Variants in SNX9 observed in about 807,000 individuals in gnomAD.
SNX9 encodes the protein sorting nexin 9.
SNX9 carries 44 observed loss-of-function variants against 89.4 expected under a neutral mutation model. The ratio of observed to expected loss-of-function variants is 0.49; its 90% CI spans 0.39 to 0.63. The LOEUF (loss-of-function observed/expected upper bound fraction) is 0.63, where lower values mean the gene tolerates loss of function less well. Among genes scored for constraint, SNX9 ranks in the 30% least tolerant of loss-of-function variants. SNX9 has a pLI of 0.00. For missense variants in SNX9, 578 were observed against 736.1 expected (o/e 0.79, Z 2.49); for synonymous variants, 236 against 247.8 (o/e 0.95, Z 0.45).
chr6:157,859,422 C>G (rs1173555737), intron 1 of SNX9, among the ~76,000 whole-genome samples: 1 of 152,112 alleles, frequency 6.6e-6, no homozygotes, highest in Admixed American at 6.5e-5. Flanking sequence ...ATAGATTGTT[C>G]TCATTCTCTT....
At chr6:157,859,661 T>C (rs963288848) in intron 1 of SNX9, among the ~76,000 whole-genome samples, 2 of 152,178 alleles carry the variant, frequency 1.3e-5, no homozygotes, top group Non-Finnish European at 2.9e-5. Flanking sequence ...GATCTGGCAA[T>C]GTCTGCCAGA....
At chr6:157,941,598 T>C (rs1784037000) in intron 17 of SNX9, among the ~76,000 whole-genome samples, 1 of 152,226 alleles carries the variant, frequency 6.6e-6, no homozygotes, top group Non-Finnish European at 1.5e-5. Flanking sequence ...GTCTGTAATG[T>C]AGAATCCAGC....
chr6:157,832,428 G>C (rs1478389060), intron 1 of SNX9, among the ~76,000 whole-genome samples: 1 of 152,184 alleles, frequency 6.6e-6, no homozygotes, highest in South Asian at 2.1e-4. Flanking sequence ...CTGTCTGCAG[G>C]GGCACAGTGC....
intron 1 of SNX9, among the ~76,000 whole-genome samples, chr6:157,825,606 C>T (rs917909208): frequency 5.3e-5 from 8 of 152,200 alleles, no homozygotes; most frequent in African/African-American, 9.7e-5. Flanking sequence ...TAGTTTCTTT[C>T]GGCTGCCTAA....
At chr6:157,867,059 C>G (rs1782278603) in intron 1 of SNX9, among the ~76,000 whole-genome samples, 1 of 152,062 alleles carries the variant, frequency 6.6e-6, no homozygotes. Flanking sequence ...AGCAATCCTC[C>G]CGCCTCAGTT....
chr6:157,913,425 C>CTTCAGCCTCCCAA, intron 9 of SNX9, among the ~76,000 whole-genome samples: 1 of 152,002 alleles, frequency 6.6e-6, no homozygotes, highest in Non-Finnish European at 1.5e-5. Context: ...GATCCTCCCA[C>CTTCAGCCTCCCAA]GTAGCTGGGA....
At chr6:157,868,615 T>G (rs1473236573) in intron 2 of SNX9, among the ~76,000 whole-genome samples, 1 of 152,264 alleles carries the variant, frequency 6.6e-6, no homozygotes, top group Non-Finnish European at 1.5e-5. Context: ...CCATTATTTC[T>G]GTGTGATACT....
At chr6:157,941,732 T>G (rs1301849872) in intron 17 of SNX9, among the ~76,000 whole-genome samples, 1 of 152,206 alleles carries the variant, frequency 6.6e-6, no homozygotes, top group East Asian at 1.9e-4. Flanking sequence ...AGCTGGACAC[T>G]GCTGAAAACG....
intron 10 of SNX9, among the ~76,000 whole-genome samples, chr6:157,926,210 T>G (rs1196699255): frequency 6.6e-6 from 1 of 151,970 alleles, no homozygotes; most frequent in Non-Finnish European, 1.5e-5. Context: ...GTTACCTTTG[T>G]GGGGAAGGGA....
chr6:157,900,477 T>C (rs541538831), intron 5 of SNX9, among the ~76,000 whole-genome samples: 4 of 151,970 alleles, frequency 2.6e-5, no homozygotes, highest in African/African-American at 9.7e-5. Context: ...GATCGGCCCG[T>C]TGAGAAATAA....
At chr6:157,927,788 ACG>A (rs1783726393) in intron 11 of SNX9, among the ~76,000 whole-genome samples, 1 of 132,078 alleles carries the variant, frequency 7.6e-6, no homozygotes, top group Admixed American at 9.2e-5. Context: ...GTGCAGTGGC[ACG>A]ATCTCCGCTC....
chr6:157,891,063 A>G (rs1270448978), intron 4 of SNX9, among the ~76,000 whole-genome samples: 2 of 117,664 alleles, frequency 1.7e-5, no homozygotes, highest in Admixed American at 2.3e-4. Context: ...ACAGAGTCTC[A>G]CTCTGTCACC....
chr6:157,938,476 G>A lies in SNX9; in HGVS notation c.1534-157G>A, dbSNP rs183192370. 2.0e-3 allele frequency among the ~76,000 whole-genome samples: 298 copies of A among 152,316 alleles called. 2 individuals are homozygous for A. The highest frequency in any genetic ancestry group is 7.9e-3 in the South Asian group (38 of 4,826). The stretch of plus-strand genomic sequence containing the variant: ...CCTTTTTGCTTCCAAGGGACTTGAA[G>A]GAAGTTAAATTTAGATGCTTTCCTC... On this transcript the variant is annotated intron_variant, in intron 15 of 17. Transcript: ENST00000392185.
intron 7 of SNX9, among the ~76,000 whole-genome samples, chr6:157,908,300 C>A (rs1783260799): frequency 6.6e-6 from 1 of 152,182 alleles, no homozygotes; most frequent in African/African-American, 2.4e-5. Context: ...CCTTGAATCT[C>A]TGAATGAATC....
At chr6:157,839,481 T>C (rs1006232336) in intron 1 of SNX9, among the ~76,000 whole-genome samples, 1 of 152,232 alleles carries the variant, frequency 6.6e-6, no homozygotes, top group African/African-American at 2.4e-5. Context: ...TATTAATACA[T>C]TACTTTGAAA....
At chr6:157,852,847 A>G (rs1315464625) in intron 1 of SNX9, among the ~76,000 whole-genome samples, 2 of 152,216 alleles carry the variant, frequency 1.3e-5, no homozygotes, top group Admixed American at 6.5e-5. Context: ...TGCTGGGGTT[A>G]CAGGCATGAG....
At chr6:157,825,314 G>A (rs1781322607) in intron 1 of SNX9, among the ~76,000 whole-genome samples, 1 of 152,192 alleles carries the variant, frequency 6.6e-6, no homozygotes, top group South Asian at 2.1e-4. Flanking sequence ...GATCTGTCTA[G>A]TGGTGGTCAG....
chr6:157,826,671 G>A (rs1781350896), intron 1 of SNX9, among the ~76,000 whole-genome samples: 1 of 130,470 alleles, frequency 7.7e-6, no homozygotes, highest in South Asian at 2.1e-4. Flanking sequence ...AAGCTGCAGA[G>A]CATTTTAGTC....
chr6:157,906,091 A>G, intron 6 of SNX9, 37 bp from the exon 7 acceptor site: 1 of 1,543,838 alleles, frequency 6.5e-7, no homozygotes, highest in Non-Finnish European at 8.9e-7. Context: ...TTACAAGGAA[A>G]GTCTTAAGAC....
Sources: gnomAD v4.1 joint callset for allele counts (sites outside exome capture counted in the v4.1 genomes callset) on GRCh38, gnomAD v4.1.1 for gene constraint, MANE v1.5 for transcripts, NCBI Gene and HGNC (gene_info 2026-07-23, HGNC 2026-07-21) for gene names.